CCDC85C: variants seen among roughly 807,000 people sequenced by gnomAD.
CCDC85C encodes coiled-coil domain containing 85C, also known as coiled-coil domain-containing protein 85C.
CCDC85C carries 18 observed loss-of-function variants against 38.3 expected under a neutral mutation model. The ratio of observed to expected loss-of-function variants is 0.47; its 90% CI spans 0.33 to 0.70. CCDC85C has a LOEUF of 0.70. CCDC85C is among the 30% of genes least tolerant of loss of function. The probability of loss-of-function intolerance (pLI) is 0.03; values close to 1 mark genes in which losing one functional copy is unlikely to be tolerated. For synonymous variants in CCDC85C, 264 were observed against 293.8 expected, an observed-to-expected ratio of 0.90 and a Z score of 1.04; for missense variants, 566 against 621.2, an observed-to-expected ratio of 0.91 and a Z score of 0.94.
rs1478074463 is a variant in CCDC85C, at chr14:99,505,616, C to T, written c.*9630G>A. On this transcript the variant is annotated 3_prime_UTR_variant, in exon 6 of 6. Transcript: ENST00000380243. ...TCCTGGCACACTTGTAATCCCAGCA[C>T]TTTGGGAGGCCAAGGCATGCTTTGA... 6.6e-6 allele frequency: 1 copy of T among 152,182 alleles called. No individual in the cohort carries two copies. The highest frequency in any genetic ancestry group is 6.5e-5 in the Admixed American group (1 of 15,272). The allele number at this position is 152,182 out of a possible 1,614,324, so 9.4% of individuals were successfully genotyped here. A position where few individuals can be genotyped will look rare whatever the true frequency, so the allele number is the denominator to read the frequency against.
chr14:99,528,207 G>T (rs1386860002), intron 2 of CCDC85C, among the ~76,000 whole-genome samples: 1 of 152,154 alleles, frequency 6.6e-6, no homozygotes, highest in Non-Finnish European at 1.5e-5. Flanking sequence ...CCTCCCACCA[G>T]GCAGCTCTAC....
intron 2 of CCDC85C, among the ~76,000 whole-genome samples, chr14:99,534,057 TA>T (rs1313747464): frequency 6.6e-6 from 1 of 152,090 alleles, no homozygotes; most frequent in East Asian, 1.9e-4. Context: ...ACATTTCTCA[TA>T]GAAATAACAC....
At chr14:99,602,871 G>C (rs527942774) in intron 1 of CCDC85C, among the ~76,000 whole-genome samples, 14 of 152,334 alleles carry the variant, frequency 9.2e-5, no homozygotes, top group African/African-American at 2.6e-4. Flanking sequence ...CGCCAGCCCA[G>C]CAGTGACAGA....
At chr14:99,593,616 A>T (rs8020722) in intron 1 of CCDC85C, among the ~76,000 whole-genome samples, 1,567 of 152,338 alleles carry the variant, frequency 0.01, 32 homozygotes, top group African/African-American at 0.035. Flanking sequence ...GCGAGGGGGC[A>T]ACACAGGCAG....
rs1898048850 is a variant in CCDC85C, at chr14:99,558,220, A to C, written c.794-22132T>G. On this transcript the variant is annotated intron_variant, in intron 1 of 5. Transcript: ENST00000380243. This position sits in a 1 kb window ranked among gnomAD's most constrained non-coding sequence, Gnocchi z 4.2. ...GCCTTCATCATCTGCCCAACAGCAG[A>C]AGAGTCACTCCACCTCCCTGCCACC... Among the ~76,000 whole-genome samples the C allele has an allele frequency of 6.6e-6, 1 of 152,200 alleles. No individual in the cohort carries two copies.
chr14:99,503,311 C>G lies in CCDC85C; in HGVS notation c.*11935G>C, dbSNP rs554157777. 9.2e-4 allele frequency: 561 copies of G among 606,544 alleles called. 2 individuals carry two copies. In the South Asian group the frequency reaches 0.01, roughly 11 times the overall value. The allele number at this position is 606,544 out of a possible 1,614,324, so 37.6% of individuals were successfully genotyped here. On this transcript the variant is annotated 3_prime_UTR_variant, in exon 6 of 6. Coordinates refer to ENST00000380243, the MANE Select transcript of CCDC85C (RefSeq NM_001144995.2). ...TGCTGCTTCTGTGCAGCTGCCTGAC[C>G]CCAAACAGTGGACCGTTTCCTGCAC... is the stretch of plus-strand genomic sequence containing the variant.
At chr14:99,526,882 G>A (rs1352850562) in intron 2 of CCDC85C, among the ~76,000 whole-genome samples, 2 of 152,122 alleles carry the variant, frequency 1.3e-5, no homozygotes, top group Non-Finnish European at 2.9e-5. Flanking sequence ...TCTCCCACCA[G>A]GGGCCCCAGC....
In CCDC85C at chr14:99,533,806, T is replaced by C. The variant is rs1273608285; in HGVS notation, c.867+2209A>G. On this transcript the variant is annotated intron_variant, in intron 2 of 5. Transcript: ENST00000380243. This position sits in a 1 kb window ranked among gnomAD's most constrained non-coding sequence, Gnocchi z 4.2. ...TGTGCACAGGTGGGTGCAGGGCAGGTGGACACAGGTTATGGTGGAGGGCCC... is the reference window on the plus strand; with the variant it reads ...TGTGCACAGGTGGGTGCAGGGCAGGCGGACACAGGTTATGGTGGAGGGCCC... Among the ~76,000 whole-genome samples, 4 of 152,036 alleles carry C rather than the reference T, an allele frequency of 2.6e-5. No homozygotes were observed. Among genetic ancestry groups the C allele is most frequent in the African/African-American group, 7.2e-5 (3 of 41,380 alleles).
At position 99,502,550 on chromosome 14, in the gene CCDC85C, T is replaced by C. The variant is rs1408295871; in HGVS notation, c.*12696A>G. On this transcript the variant is annotated 3_prime_UTR_variant, in exon 6 of 6. Coordinates refer to ENST00000380243, the MANE Select transcript of CCDC85C (RefSeq NM_001144995.2). ...TCCACTTTGTCCAAACACATACTTT[T>C]GGTAAACTAAAAATACACACCAGTG... The C allele has an allele frequency of 1.2e-5, 15 of 1,277,470 alleles. No individual in the cohort carries two copies. In the South Asian group the frequency reaches 1.9e-4, roughly 16 times the overall value. The allele number at this position is 1,277,470 out of a possible 1,614,324, so 79.1% of individuals were successfully genotyped here. A position where few individuals can be genotyped will look rare whatever the true frequency, so the allele number is the denominator to read the frequency against.
intron 1 of CCDC85C, among the ~76,000 whole-genome samples, chr14:99,601,392 A>G (rs951112644): frequency 1.3e-5 from 2 of 152,174 alleles, no homozygotes; most frequent in Non-Finnish European, 2.9e-5. Flanking sequence ...CGCAGCTGAC[A>G]TGCTGAGCCA....
In CCDC85C at chr14:99,533,620, C is replaced by CGGTGCCCTGCAGACCT. The variant is rs1268272832; in HGVS notation, c.867+2379_867+2394dup. ...CTCCCCAGCCATCAGGATCTGATGTCGGTGCCCTGCAGACCTGGCCCACGG... is the reference window on the plus strand; with the variant it reads ...CTCCCCAGCCATCAGGATCTGATGTCGGTGCCCTGCAGACCTGGTGCCCTGCAGACCTGGCCCACGG... On this transcript the variant is annotated intron_variant, in intron 2 of 5. Transcript: ENST00000380243. This position sits in a 1 kb window ranked among gnomAD's most constrained non-coding sequence, Gnocchi z 4.2. Among the ~76,000 whole-genome samples, 3 of 152,230 alleles carry CGGTGCCCTGCAGACCT rather than the reference C, an allele frequency of 2.0e-5. No homozygotes were observed. Among genetic ancestry groups the CGGTGCCCTGCAGACCT allele is most frequent in the Admixed American group, 6.5e-5 (1 of 15,290 alleles).
intron 1 of CCDC85C, among the ~76,000 whole-genome samples, chr14:99,546,061 G>T (rs185997244): frequency 1.1e-4 from 17 of 151,708 alleles, no homozygotes; most frequent in Admixed American, 2.0e-4. Context: ...TCTGCATGGG[G>T]GGGGGGAATA....
chr14:99,579,799 T>A (rs75601261), intron 1 of CCDC85C, among the ~76,000 whole-genome samples: 12,722 of 152,000 alleles, frequency 0.084, 899 homozygotes, highest in African/African-American at 0.19. Flanking sequence ...TCCTTCCCCA[T>A]CCCACTCAGG....
Position 99,517,240 on chromosome 14 carries a change from C to G in CCDC85C, c.976-57G>C. On this transcript the variant is annotated intron_variant, in intron 3 of 5. Coordinates refer to ENST00000380243, the MANE Select transcript of CCDC85C (RefSeq NM_001144995.2). ...CCTGGCTGGCTCCCACAGGAATGAC[C>G]GGTGGCTCAGACAAGGCCCCCATTC... 3 of 1,366,286 alleles carry G rather than the reference C, an allele frequency of 2.2e-6. No individual in the cohort carries two copies. The South Asian group carries it at 4.2e-5, about 19-fold the overall frequency. The allele number at this position is 1,366,286 out of a possible 1,614,324, so 84.6% of individuals were successfully genotyped here. A position where few individuals can be genotyped will look rare whatever the true frequency, so the allele number is the denominator to read the frequency against.
chr14:99,502,772 C>T lies in CCDC85C; in HGVS notation c.*12474G>A, dbSNP rs1325330474. 1.9e-6 allele frequency: 3 copies of T among 1,613,700 alleles called. No homozygotes were observed. Among genetic ancestry groups the T allele is most frequent in the Non-Finnish European group, 2.5e-6 (3 of 1,179,774 alleles). On this transcript the variant is annotated 3_prime_UTR_variant, in exon 6 of 6. Transcript: ENST00000380243. Reference sequence around the variant, plus strand: ...CTCACAAGGAAAACAACAGATGCCTCATCACACCCCCCATCAGCTGCAACA... The same window carrying T: ...CTCACAAGGAAAACAACAGATGCCTTATCACACCCCCCATCAGCTGCAACA...
chr14:99,530,465 C>T (rs61743441), intron 2 of CCDC85C, among the ~76,000 whole-genome samples: 1,543 of 152,322 alleles, frequency 0.01, 27 homozygotes, highest in African/African-American at 0.035. Flanking sequence ...CGTGGACCAC[C>T]GCGACGCCAG....
At chr14:99,554,394 C>G (rs1422508918) in intron 1 of CCDC85C, among the ~76,000 whole-genome samples, 2 of 152,240 alleles carry the variant, frequency 1.3e-5, no homozygotes, top group Non-Finnish European at 1.5e-5. Context: ...CCGCCCGGCA[C>G]AGCAGAAAGC....
chr14:99,568,246 C>CTTTTTTCTTTTT (rs776784723), intron 1 of CCDC85C, among the ~76,000 whole-genome samples: 1 of 114,488 alleles, frequency 8.7e-6, no homozygotes, highest in Non-Finnish European at 1.7e-5. Context: ...GCCACCTGCC[C>CTTTTTTCTTTTT]TTTATTTTTT....
chr14:99,601,612 T>A (rs1045748433), intron 1 of CCDC85C, among the ~76,000 whole-genome samples: 20 of 152,150 alleles, frequency 1.3e-4, no homozygotes, highest in African/African-American at 4.8e-4. Context: ...GAGGCCCAGA[T>A]AACTGACCCC....
Sources: allele counts gnomAD v4.1 joint callset (sites outside exome capture counted in the v4.1 genomes callset), GRCh38; gene constraint gnomAD v4.1.1; non-coding constraint Gnocchi (gnomAD v3.1); transcripts MANE v1.5; gene names NCBI Gene and HGNC (gene_info 2026-07-23, HGNC 2026-07-21).